Variants in GPM6B observed in about 807,000 individuals in gnomAD.
GPM6B encodes the protein glycoprotein M6B.
Under a neutral mutation model 27.2 loss-of-function variants are expected in GPM6B, and 4 were observed. The observed-to-expected ratio is 0.15, with a 90% CI of 0.07 to 0.34. GPM6B has a LOEUF of 0.34. Among genes scored for constraint, GPM6B ranks in the 10% least tolerant of loss-of-function variants. The pLI, the probability that GPM6B is intolerant of heterozygous loss-of-function variation, is 1.00. For missense variants in GPM6B, 183 were observed against 261.9 expected (o/e 0.70, Z 2.08); for synonymous variants, 124 against 103.1 (o/e 1.20, Z -1.23).
chrX:13,859,097 AT>A (rs2049814135), intron 1 of GPM6B, among the ~76,000 whole-genome samples: 1 of 112,561 alleles, frequency 8.9e-6, no homozygotes, highest in Non-Finnish European at 1.9e-5. Context: ...TTGAGGTATA[AT>A]TTACATACAT....
At chrX:13,781,886 T>C (rs2048522649) in intron 4 of GPM6B, among the ~76,000 whole-genome samples, 1 of 112,124 alleles carries the variant, frequency 8.9e-6, no homozygotes, top group South Asian at 3.8e-4. Context: ...AATTGGCTGA[T>C]ACCTGTTTCA....
At chrX:13,791,767 G>C (rs946747996) in intron 2 of GPM6B, among the ~76,000 whole-genome samples, 1 of 111,272 alleles carries the variant, frequency 9.0e-6, no homozygotes. Flanking sequence ...GTTCATAATG[G>C]CCAAGTGATT....
chrX:13,784,642 G>A (rs2048575963), intron 3 of GPM6B, among the ~76,000 whole-genome samples: 1 of 111,758 alleles, frequency 8.9e-6, no homozygotes, highest in South Asian at 3.7e-4. Context: ...GAAGGAAATG[G>A]AGAAAGGGGA....
intron 1 of GPM6B, among the ~76,000 whole-genome samples, chrX:13,827,605 TAACCTTC>T (rs1211799807): frequency 8.9e-6 from 1 of 111,973 alleles, no homozygotes; most frequent in African/African-American, 3.2e-5. Context: ...GGATGAGGCC[TAACCTTC>T]AATACTGTGC....
chrX:13,906,073 C>A (rs893381204), intron 1 of GPM6B, among the ~76,000 whole-genome samples: 1 of 112,510 alleles, frequency 8.9e-6, no homozygotes, highest in Non-Finnish European at 1.9e-5. Flanking sequence ...TCGAAACCTT[C>A]AAAAACTTTA....
intron 1 of GPM6B, among the ~76,000 whole-genome samples, chrX:13,860,561 C>CATT (rs768156711): frequency 4.8e-4 from 53 of 109,961 alleles, no homozygotes; most frequent in African/African-American, 1.2e-3. Context: ...ACCAGGTAAC[C>CATT]ATTTTTGGCA....
At chrX:13,931,566 G>C (rs1921565350) in intron 1 of GPM6B, among the ~76,000 whole-genome samples, 1 of 111,341 alleles carries the variant, frequency 9.0e-6, no homozygotes, top group Admixed American at 9.5e-5. Flanking sequence ...CATGGAAGTT[G>C]GTTCTGTTCC....
chrX:13,774,636 G>C (rs1316561841), intron 7 of GPM6B: 1 of 1,174,532 alleles, frequency 8.5e-7, no homozygotes, highest in Admixed American at 2.2e-5. Flanking sequence ...TGGTGGAAGA[G>C]AACAAAACAG....
At chrX:13,828,538 G>C (rs61210856) in intron 1 of GPM6B, among the ~76,000 whole-genome samples, 4,868 of 111,547 alleles carry the variant, frequency 0.044, 248 homozygotes, top group African/African-American at 0.15. Flanking sequence ...CTTGTTATAA[G>C]CAACAGGAAA....
At chrX:13,873,390 C>T (rs1312916275) in intron 1 of GPM6B, among the ~76,000 whole-genome samples, 3 of 110,651 alleles carry the variant, frequency 2.7e-5, no homozygotes, top group Admixed American at 9.6e-5. Context: ...AGTTGGGTAA[C>T]TTAAGGAAAG....
chrX:13,880,833 C>G (rs181460378), intron 1 of GPM6B, among the ~76,000 whole-genome samples: 2 of 110,476 alleles, frequency 1.8e-5, no homozygotes, highest in South Asian at 4.0e-4. Context: ...ATCTTTACCC[C>G]CTTCTTACAC....
In GPM6B at chrX:13,804,419, GGGGGGGC is replaced by G. The variant is rs200965728; in HGVS notation, c.181+3224_181+3230del. On this transcript the variant is annotated intron_variant, in intron 2 of 7. Transcript: ENST00000316715. ...CCCTAGGGCAGCATCATGGACGGCG[GGGGGGGC>G]GGGGGGCGGGGGTAGCCCATGTGGT... 3.7e-5 allele frequency among the ~76,000 whole-genome samples: 3 copies of G among 80,184 alleles called. No individual in the cohort carries two copies. The East Asian group carries it at 1.4e-3, about 37-fold the overall frequency. 69.6% of individuals were successfully genotyped at this position (80,184 alleles called of 115,157 possible).
At chrX:13,854,982 C>G (rs1031947323) in intron 1 of GPM6B, among the ~76,000 whole-genome samples, 1 of 108,414 alleles carries the variant, frequency 9.2e-6, no homozygotes, top group Non-Finnish European at 1.9e-5. Flanking sequence ...CCAGGTAGAG[C>G]CCCCCTTGTG....
chrX:13,835,013 G>T (rs1422146744), intron 1 of GPM6B, among the ~76,000 whole-genome samples: 5 of 111,789 alleles, frequency 4.5e-5, no homozygotes, highest in Non-Finnish European at 9.4e-5. Flanking sequence ...TGAACAGAGG[G>T]ACACAAACAT....
intron 1 of GPM6B, among the ~76,000 whole-genome samples, chrX:13,878,240 G>A (rs1391124742): frequency 1.8e-5 from 2 of 108,126 alleles, no homozygotes; most frequent in African/African-American, 6.7e-5. Flanking sequence ...AATAGTAACT[G>A]ATTAGAGACA....
At chrX:13,827,998 G>T (rs2049396218) in intron 1 of GPM6B, among the ~76,000 whole-genome samples, 1 of 111,181 alleles carries the variant, frequency 9.0e-6, no homozygotes, top group African/African-American at 3.3e-5. Context: ...CAGGCACACA[G>T]ATGCCCACAT....
At chrX:13,851,146 G>A (rs1050504287) in intron 1 of GPM6B, among the ~76,000 whole-genome samples, 2 of 89,724 alleles carry the variant, frequency 2.2e-5, no homozygotes, top group Admixed American at 1.3e-4. Flanking sequence ...CTGGGCAACA[G>A]AGCGAGACTC....
At chrX:13,794,489 GC>G (rs1273839976) in intron 2 of GPM6B, among the ~76,000 whole-genome samples, 1 of 111,599 alleles carries the variant, frequency 9.0e-6, no homozygotes, top group Non-Finnish European at 1.9e-5. Flanking sequence ...GGTCTGTGCA[GC>G]CCCGGCAGAC....
chrX:13,880,496 G>A (rs1181327716), intron 1 of GPM6B, among the ~76,000 whole-genome samples: 1 of 109,185 alleles, frequency 9.2e-6, no homozygotes, highest in Non-Finnish European at 1.9e-5. Flanking sequence ...CTAACATGGT[G>A]AAACCCCGTC....
Sources: allele counts gnomAD v4.1 joint callset (sites outside exome capture counted in the v4.1 genomes callset), GRCh38; gene constraint gnomAD v4.1.1; transcripts MANE v1.5; gene names NCBI Gene and HGNC (gene_info 2026-07-23, HGNC 2026-07-21).